The following SEMA4D variants were observed in gnomAD, a reference collection of about 807,000 sequenced individuals.
The protein encoded by SEMA4D is semaphorin-4D.
Under a neutral mutation model 74.8 loss-of-function variants are expected in SEMA4D, and 22 were observed. The observed-to-expected ratio is 0.29, with a 90% confidence interval of 0.21 to 0.42. The LOEUF (loss-of-function observed/expected upper bound fraction) is 0.42. Among genes scored for constraint, SEMA4D ranks in the 10% least tolerant of loss-of-function variants. SEMA4D has a pLI of 1.00. For synonymous variants in SEMA4D, 445 were observed against 463.7 expected, an observed-to-expected ratio of 0.96 and a Z score of 0.52; for missense variants, 937 against 1,118.4, an observed-to-expected ratio of 0.84 and a Z score of 2.31.
intron 6 of SEMA4D, among the ~76,000 whole-genome samples, chr9:89,395,317 G>A (rs1247804935): frequency 2.6e-5 from 4 of 152,048 alleles, no homozygotes; most frequent in South Asian, 2.1e-4. Flanking sequence ...CCAGCTACTC[G>A]GGAGGCTGAG....
intron 16 of SEMA4D, among the ~76,000 whole-genome samples, chr9:89,372,083 G>A (rs1286961845): frequency 1.7e-5 from 1 of 58,204 alleles, no homozygotes; most frequent in Non-Finnish European, 3.3e-5. Context: ...GGTGTGTGTC[G>A]GGTGTGTGTG....
exon 19 of SEMA4D, chr9:89,361,333 C>T (rs1157143054): frequency 1.3e-5 from 2 of 152,192 alleles, no homozygotes; most frequent in East Asian, 3.9e-4. Context: ...AGAGGGGATG[C>T]AAAACAGGTC....
rs1211401057 is a variant in SEMA4D, at chr9:89,379,187, C to T, written c.2106G>A (p.Ala702=). 3.7e-6 allele frequency: 6 copies of T among 1,613,756 alleles called. No homozygotes were observed. The highest frequency in any genetic ancestry group is 2.7e-5 in the African/African-American group (2 of 74,824). Residue 702 remains alanine, a synonymous_variant, in exon 16 of 16, where the codon GCG becomes GCA. Coordinates refer to ENST00000422704, the MANE Select transcript of SEMA4D (RefSeq NM_001371194.2). ...SGAITLPPKP[A]PTGTSCEPKI... is the part of the protein sequence containing the mutation. The stretch of plus-strand genomic sequence containing the variant: ...TTGGTTCGCAGGATGTGCCGGTGGG[C>T]GCAGGCTTGGGAGGAAGGGTGATGG...
In SEMA4D at chr9:89,432,693, CA is replaced by C. The variant is rs201081412; in HGVS notation, c.-244+23194del. Reference sequence around the variant, plus strand: ...TCACACCAATCAGGGTGGCCACTACCAAAAAAAAAGCAAAAAACAAACAAAC... The same window carrying C: ...TCACACCAATCAGGGTGGCCACTACCAAAAAAAAGCAAAAAACAAACAAAC... On this transcript the variant is annotated intron_variant, in intron 2 of 15. Transcript: ENST00000422704. Among the ~76,000 whole-genome samples, 11 of 150,152 alleles carry C rather than the reference CA, an allele frequency of 7.3e-5. No individual in the cohort carries two copies. In the East Asian group the frequency reaches 1.6e-3, roughly 21 times the overall value.
chr9:89,460,973 C>G (rs1008521920), intron 1 of SEMA4D, among the ~76,000 whole-genome samples: 1 of 152,168 alleles, frequency 6.6e-6, no homozygotes, highest in Non-Finnish European at 1.5e-5. Flanking sequence ...AGAAAGGGCT[C>G]CCAGGGCAGA....
chr9:89,460,843 G>A (rs948043967), intron 1 of SEMA4D, among the ~76,000 whole-genome samples: 2 of 152,256 alleles, frequency 1.3e-5, no homozygotes, highest in Admixed American at 6.5e-5. Context: ...TCCTCCTGCA[G>A]ACAGGCAGGG....
intron 1 of SEMA4D, among the ~76,000 whole-genome samples, chr9:89,467,786 T>C (rs1271908747): frequency 1.3e-5 from 2 of 152,126 alleles, no homozygotes; most frequent in Non-Finnish European, 2.9e-5. Flanking sequence ...TGCCTCAGCC[T>C]CCCAAAGTGC....
intron 2 of SEMA4D, among the ~76,000 whole-genome samples, chr9:89,451,569 AGACT>A (rs1346181357): frequency 6.6e-6 from 1 of 152,216 alleles, no homozygotes; most frequent in Non-Finnish European, 1.5e-5. Context: ...CCAGAGGAGT[AGACT>A]GACTGAAGAT....
chr9:89,417,490 A>T (rs140176491), intron 2 of SEMA4D, among the ~76,000 whole-genome samples: 8 of 152,344 alleles, frequency 5.3e-5, no homozygotes, highest in Middle Eastern at 3.4e-3. Context: ...CTCATTCATG[A>T]TACTTGAGTA....
rs139757112 is a variant in SEMA4D, at chr9:89,446,067, C to T, written c.-244+9821G>A. 2.1e-4 allele frequency among the ~76,000 whole-genome samples: 32 copies of T among 152,232 alleles called. 1 individual carries two copies. The highest frequency in any genetic ancestry group is 7.2e-4 in the African/African-American group (30 of 41,522). Reference sequence around the variant, plus strand: ...CAGGCAACAGCTTTCCTTAGTCTACCGATTCTCATGTCAACCTCACCCAGG... The same window carrying T: ...CAGGCAACAGCTTTCCTTAGTCTACTGATTCTCATGTCAACCTCACCCAGG... On this transcript the variant is annotated intron_variant, in intron 2 of 15. Transcript: ENST00000422704.
At chr9:89,456,893 GA>G (rs1856071557) in intron 1 of SEMA4D, among the ~76,000 whole-genome samples, 1 of 152,166 alleles carries the variant, frequency 6.6e-6, no homozygotes, top group Non-Finnish European at 1.5e-5. Flanking sequence ...AGCTGGGAGG[GA>G]TTTTTTTAAA....
At chr9:89,362,468 G>T (rs1338545503) in intron 18 of SEMA4D, 2 of 1,613,868 alleles carry the variant, frequency 1.2e-6, no homozygotes, top group Admixed American at 1.7e-5. Context: ...TGGTGGAACG[G>T]ATGGGCCTTT....
At chr9:89,405,747 CCTG>C (rs1843184097) in intron 2 of SEMA4D, 48 bp from the exon 3 acceptor site, 110 of 1,376,888 alleles carry the variant, frequency 8.0e-5, no homozygotes, top group Non-Finnish European at 1.0e-4. Flanking sequence ...TGAGTGATGA[CCTG>C]CTTCTCACTG....
At chr9:89,387,652 C>A in intron 11 of SEMA4D, 44 bp from the exon 12 acceptor site, 1 of 1,579,570 alleles carries the variant, frequency 6.3e-7, no homozygotes, top group South Asian at 1.1e-5. Flanking sequence ...CGTGTCCCAC[C>A]ACGCAACGGG....
downstream of SEMA4D, among the ~76,000 whole-genome samples, chr9:89,372,411 G>C (rs911121643): frequency 6.7e-6 from 1 of 149,130 alleles, no homozygotes; most frequent in Non-Finnish European, 1.5e-5. Context: ...GTGTGTGTCT[G>C]GGGTGTGGTG....
At chr9:89,461,700 C>CTTTTTTTTTTTTTTTTT (rs61696689) in intron 1 of SEMA4D, among the ~76,000 whole-genome samples, 25 of 103,658 alleles carry the variant, frequency 2.4e-4, no homozygotes, top group African/African-American at 5.9e-4. Flanking sequence ...TCTTTTTTCT[C>CTTTTTTTTTTTTTTTTT]TTTTTTTTTT....
At chr9:89,382,236 G>C (rs1237957974) in intron 13 of SEMA4D, among the ~76,000 whole-genome samples, 1 of 152,254 alleles carries the variant, frequency 6.6e-6, no homozygotes, top group African/African-American at 2.4e-5. Context: ...TCGGGGGCGT[G>C]CAACAGACCT....
rs960710310 is a variant in SEMA4D at position 89,369,142 on chromosome 9, C to T, written c.1883-5192G>A. 4 of 152,078 alleles carry T rather than the reference C, an allele frequency of 2.6e-5. No individual in the cohort carries two copies. In the East Asian group the frequency reaches 5.8e-4, roughly 22 times the overall value. The allele number at this position is 152,078 out of a possible 1,614,324, so 9.4% of individuals were successfully genotyped here. A position where few individuals can be genotyped will look rare whatever the true frequency, so the allele number is the denominator to read the frequency against. Reference sequence around the variant, plus strand: ...AAGGTCAACTAATTCCCACGACGGCCGTGGCCTTTCAAGAGTCTGAAACAA... The same window carrying T: ...AAGGTCAACTAATTCCCACGACGGCTGTGGCCTTTCAAGAGTCTGAAACAA... On this transcript the variant is annotated intron_variant, in intron 16 of 18. Transcript: ENST00000339861.
chr9:89,453,042 G>T (rs960033561), intron 2 of SEMA4D, among the ~76,000 whole-genome samples: 1 of 152,118 alleles, frequency 6.6e-6, no homozygotes, highest in African/African-American at 2.4e-5. Flanking sequence ...CCCTTTCAGT[G>T]TCATTTAATT....
Sources: gnomAD v4.1 joint callset for allele counts (sites outside exome capture counted in the v4.1 genomes callset) on GRCh38, gnomAD v4.1.1 for gene constraint, MANE v1.5 for transcripts, NCBI Gene and HGNC (gene_info 2026-07-23, HGNC 2026-07-21) for gene names.